FAM168B: variants seen among roughly 807,000 people sequenced by gnomAD.
FAM168B encodes family with sequence similarity 168 member B.
A neutral mutation model predicts 21.8 loss-of-function variants in FAM168B; 19 were observed. The observed-to-expected ratio is 0.87, with a 90% confidence interval of 0.61 to 1.28. FAM168B has a LOEUF of 1.28. Among genes scored for constraint, FAM168B ranks in the 50% most tolerant of loss-of-function variants. The pLI is 0.00. For synonymous variants in FAM168B, 126 were observed against 104.8 expected (o/e 1.20, Z -1.24); for missense variants, 233 against 263.1 (o/e 0.89, Z 0.79).
chr2:131,088,424 G>C (rs1051726604), intron 1 of FAM168B, among the ~76,000 whole-genome samples: 2 of 152,010 alleles, frequency 1.3e-5, no homozygotes, highest in African/African-American at 4.8e-5. Context: ...GGGGAAAAGG[G>C]GGCGGGAGAG....
At chr2:131,064,062 C>T (rs1268407604) in intron 3 of FAM168B, among the ~76,000 whole-genome samples, 1 of 152,132 alleles carries the variant, frequency 6.6e-6, no homozygotes, top group Admixed American at 6.5e-5. Flanking sequence ...CCCCAGGAAG[C>T]CCATCTGTAC....
chr2:131,068,533 C>T (rs899022484), intron 3 of FAM168B, among the ~76,000 whole-genome samples: 17 of 152,204 alleles, frequency 1.1e-4, no homozygotes, highest in African/African-American at 4.1e-4. Context: ...GGTGAGCCAG[C>T]AGTCTGGCAC....
At chr2:131,090,319 CAAAAAAAAAAA>C (rs1179969129) in intron 1 of FAM168B, among the ~76,000 whole-genome samples, 4 of 75,222 alleles carry the variant, frequency 5.3e-5, no homozygotes, top group East Asian at 4.3e-4. Flanking sequence ...ACTCTTGTCT[CAAAAAAAAAAA>C]AAAAAAAAAG....
chr2:131,067,629 G>A lies in FAM168B; in HGVS notation c.154+4226C>T, dbSNP rs79883552. ...GTGGTGACTTGTGCCTAAGGTTCCA[G>A]GTACTTGGGAAGCTGAGGCAGGATT... On this transcript the variant is annotated intron_variant, in intron 3 of 6. Coordinates refer to ENST00000389915, the MANE Select transcript of FAM168B (RefSeq NM_001009993.4). Among the ~76,000 whole-genome samples the A allele has an allele frequency of 5.2e-3, 793 of 152,214 alleles. 4 individuals carry two copies. The highest frequency in any genetic ancestry group is 0.013 in the South Asian group (62 of 4,820).
Position 131,050,343 on chromosome 2 carries a change from A to G in FAM168B, c.*2122T>C, listed in dbSNP as rs942326532. 8.3e-5 allele frequency: 82 copies of G among 985,602 alleles called. No homozygotes were observed. Among genetic ancestry groups the G allele is most frequent in the Non-Finnish European group, 9.9e-5 (82 of 829,936 alleles). The allele number at this position is 985,602 out of a possible 1,614,324, so 61.1% of individuals were successfully genotyped here. On this transcript the variant is annotated 3_prime_UTR_variant, in exon 7 of 7. Transcript: ENST00000389915. ...TTTTATCCTAATCTATTAGCACTCAATTGGGAAAAAAGACTTCTCTGCTAC... is the reference window on the plus strand; with the variant it reads ...TTTTATCCTAATCTATTAGCACTCAGTTGGGAAAAAAGACTTCTCTGCTAC...
In FAM168B at chr2:131,081,028, T is replaced by C. The variant is rs1317106056; in HGVS notation, c.70+1549A>G. 3.9e-5 allele frequency among the ~76,000 whole-genome samples: 6 copies of C among 152,284 alleles called. No homozygotes were observed. In the East Asian group the frequency reaches 1.2e-3, roughly 29 times the overall value. On this transcript the variant is annotated intron_variant, in intron 2 of 6. Coordinates refer to ENST00000389915, the MANE Select transcript of FAM168B (RefSeq NM_001009993.4). ...CCCTTCTGGAGAAGAGCTCCAGATGTTTCTTTACTGTTCTGTTTTCCTCCC... is the reference window on the plus strand; with the variant it reads ...CCCTTCTGGAGAAGAGCTCCAGATGCTTCTTTACTGTTCTGTTTTCCTCCC...
At chr2:131,089,405 T>C (rs1474091057) in intron 1 of FAM168B, among the ~76,000 whole-genome samples, 1 of 151,524 alleles carries the variant, frequency 6.6e-6, no homozygotes, top group Non-Finnish European at 1.5e-5. Flanking sequence ...AACTTGAAAA[T>C]CAAATCATAA....
Position 131,049,942 on chromosome 2 carries a change from G to T in FAM168B, c.*2523C>A. On this transcript the variant is annotated 3_prime_UTR_variant, in exon 7 of 7. Coordinates refer to ENST00000389915, the MANE Select transcript of FAM168B (RefSeq NM_001009993.4). ...GTTTTGTGACTATTTCCTAAGTCCAGATTCTTACCTGATATCTACCTTTCG... is the reference window on the plus strand; with the variant it reads ...GTTTTGTGACTATTTCCTAAGTCCATATTCTTACCTGATATCTACCTTTCG... 1.0e-6 allele frequency: 1 copy of T among 985,526 alleles called. No homozygotes were observed. Among genetic ancestry groups the T allele is most frequent in the Non-Finnish European group, 1.2e-6 (1 of 829,952 alleles). The allele number at this position is 985,526 out of a possible 1,614,324, so 61.0% of individuals were successfully genotyped here. A position where few individuals can be genotyped will look rare whatever the true frequency, so the allele number is the denominator to read the frequency against.
At chr2:131,087,177 G>A (rs182843382) in intron 1 of FAM168B, among the ~76,000 whole-genome samples, 2 of 151,790 alleles carry the variant, frequency 1.3e-5, no homozygotes, top group East Asian at 3.9e-4. Context: ...TTGATTAAAG[G>A]GCAGCGTTAG....
At position 131,048,378 on chromosome 2, in the gene FAM168B, C is replaced by T. The variant is rs1436373916; in HGVS notation, c.*4087G>A. The T allele has an allele frequency of 7.8e-7, 1 of 1,288,082 alleles. No homozygotes were observed. The highest frequency in any genetic ancestry group is 1.3e-5 in the South Asian group (1 of 79,916). The allele number at this position is 1,288,082 out of a possible 1,614,324, so 79.8% of individuals were successfully genotyped here. A position where few individuals can be genotyped will look rare whatever the true frequency, so the allele number is the denominator to read the frequency against. On this transcript the variant is annotated 3_prime_UTR_variant, in exon 7 of 7. Transcript: ENST00000389915. ...GGAGGAGACACCTGTCATGCCAGTC[C>T]TGGGAGCACACCACCCTTCTGCAGG...
intron 1 of FAM168B, among the ~76,000 whole-genome samples, chr2:131,090,501 A>T (rs570368365): frequency 6.6e-6 from 1 of 152,154 alleles, no homozygotes; most frequent in Non-Finnish European, 1.5e-5. Flanking sequence ...ATTCACTCTC[A>T]GAAACACCAA....
rs1691456676 is a variant in FAM168B, at chr2:131,048,768, C to T, written c.*3697G>A. The T allele has an allele frequency of 2.0e-6, 2 of 986,850 alleles. No individual in the cohort carries two copies. Among genetic ancestry groups the T allele is most frequent in the Admixed American group, 6.1e-5 (1 of 16,340 alleles). The allele number at this position is 986,850 out of a possible 1,614,324, so 61.1% of individuals were successfully genotyped here. A position where few individuals can be genotyped will look rare whatever the true frequency, so the allele number is the denominator to read the frequency against. On this transcript the variant is annotated 3_prime_UTR_variant, in exon 7 of 7. Coordinates refer to ENST00000389915, the MANE Select transcript of FAM168B (RefSeq NM_001009993.4). ...GCTCTGCCTTCCCCCAGGCCAACCACACTCTGCTTTAGAGACCCTCTCAGA... is the reference window on the plus strand; with the variant it reads ...GCTCTGCCTTCCCCCAGGCCAACCATACTCTGCTTTAGAGACCCTCTCAGA...
chr2:131,053,747 T>C (rs11904400), intron 5 of FAM168B, among the ~76,000 whole-genome samples: 35,909 of 151,902 alleles, frequency 0.24, 6,297 homozygotes, highest in African/African-American at 0.5. Context: ...TGTGGTAGCA[T>C]ACTTATAGTC....
At chr2:131,088,504 C>G (rs1693835277) in intron 1 of FAM168B, among the ~76,000 whole-genome samples, 1 of 152,064 alleles carries the variant, frequency 6.6e-6, no homozygotes. Context: ...TTTGTTTGGA[C>G]TCGATTTAGA....
At position 131,055,293 on chromosome 2, in the gene FAM168B, T is replaced by TCCCAGCCACCATGCCCATGGTGAC; in HGVS notation, c.430_453dup (p.Val144_Gly151dup). 6.3e-7 allele frequency: 1 copy of TCCCAGCCACCATGCCCATGGTGAC among 1,579,752 alleles called. No homozygotes were observed. The highest frequency in any genetic ancestry group is 8.6e-7 in the Non-Finnish European group (1 of 1,167,554). ...TTACCTGCTGACATGGCCATGGTGG[T>TCCCAGCCACCATGCCCATGGTGAC]CCCAGCCACCATGCCCATGGTGACC... is the stretch of plus-strand genomic sequence containing the variant. On this transcript the variant is annotated inframe_insertion, in exon 5 of 7. Transcript: ENST00000389915.
In FAM168B at chr2:131,071,942, A is replaced by G; in HGVS notation, c.71-4T>C. On this transcript the variant is annotated splice_polypyrimidine_tract_variant and splice_region_variant and intron_variant, in intron 2 of 6. Coordinates refer to ENST00000389915, the MANE Select transcript of FAM168B (RefSeq NM_001009993.4). ...GCATAGCCCATGGGAAAACCAGCTG[A>G]AGAAAAATAAAGAACAATCTCATGT... 4 of 1,612,998 alleles carry G rather than the reference A, an allele frequency of 2.5e-6. No individual in the cohort carries two copies. The African/African-American group carries it at 4.0e-5, about 16-fold the overall frequency.
At chr2:131,080,692 C>T (rs1188303385) in intron 2 of FAM168B, among the ~76,000 whole-genome samples, 1 of 148,432 alleles carries the variant, frequency 6.7e-6, no homozygotes, top group Non-Finnish European at 1.5e-5. Flanking sequence ...TTTTTTGAGA[C>T]AGAGTCTTGC....
At chr2:131,089,448 C>T (rs1055799377) in intron 1 of FAM168B, among the ~76,000 whole-genome samples, 3 of 151,756 alleles carry the variant, frequency 2.0e-5, no homozygotes, top group Non-Finnish European at 4.4e-5. Context: ...AAATGAAAGA[C>T]CTGGCCAGGC....
At chr2:131,053,095 C>A in intron 5 of FAM168B, 80 bp from the exon 6 acceptor site, 1 of 1,453,014 alleles carries the variant, frequency 6.9e-7, no homozygotes, top group Non-Finnish European at 9.1e-7. Context: ...CAAGCCTGGC[C>A]TCTTTGCAAG....
Sources: allele counts gnomAD v4.1 joint callset (sites outside exome capture counted in the v4.1 genomes callset), GRCh38; gene constraint gnomAD v4.1.1; transcripts MANE v1.5; gene names NCBI Gene and HGNC (gene_info 2026-07-23, HGNC 2026-07-21).